Variants in FOXP2 observed in about 807,000 individuals in gnomAD.
FOXP2 encodes forkhead box P2.
In FOXP2, 12 loss-of-function variants were observed where a neutral mutation model predicts 115.8. The ratio of observed to expected loss-of-function variants is 0.10; its 90% CI spans 0.07 to 0.17. The LOEUF is 0.17. Ranked by LOEUF, FOXP2 falls within the 10% of genes least tolerant of loss-of-function variation. The pLI is 1.00. For synonymous variants in FOXP2, 328 were observed against 297.7 expected (o/e 1.10, Z -1.05); for missense variants, 629 against 843.5 (o/e 0.75, Z 3.15).
chr7:114,385,453 T>C (rs1792422588), intron 2 of FOXP2, among the ~76,000 whole-genome samples: 1 of 152,166 alleles, frequency 6.6e-6, no homozygotes, highest in Non-Finnish European at 1.5e-5. Flanking sequence ...GGCTGTGCCA[T>C]GATCTCAGCC....
intron 3 of FOXP2, among the ~76,000 whole-genome samples, chr7:114,627,457 G>T (rs973785499): frequency 6.6e-6 from 1 of 152,040 alleles, no homozygotes. Flanking sequence ...ATACTGGTTA[G>T]TACAAGTAAT....
At chr7:114,656,475 G>A in intron 10 of FOXP2, 1 of 452,554 alleles carries the variant, frequency 2.2e-6, no homozygotes, top group Non-Finnish European at 4.4e-6. Flanking sequence ...GCATATGGAT[G>A]TTTCTGCGTT....
chr7:114,352,853 T>C (rs756456969), intron 2 of FOXP2, among the ~76,000 whole-genome samples: 3 of 152,156 alleles, frequency 2.0e-5, no homozygotes, highest in Admixed American at 1.3e-4. Flanking sequence ...ATAATTCTAA[T>C]AGTTTAAAAT....
Position 114,642,512 on chromosome 7 carries a change from C to A in FOXP2, c.878C>A (p.Thr293Asn). Reference protein sequence around the residue: ...GIKHGGLDLTTNNSSSTTSSN... With the variant: ...GIKHGGLDLTNNNSSSTTSSN... ...AAACATGGAGGGCTAGACCTCACTA[C>A]TAACAATTCCTCCTCGACTACCTCC... Residue 293 changes from threonine to asparagine, a missense_variant, in exon 7 of 17, where the codon ACT becomes AAT. By Grantham distance (65) the Thr-to-Asn change is moderately conservative. Around this residue, in one of 9 missense-constraint regions of FOXP2, gnomAD observed 92 missense variants for 80.1 expected, o/e 1.15. Transcript: ENST00000350908. The A allele has an allele frequency of 6.2e-7, 1 of 1,613,912 alleles. No individual in the cohort carries two copies. Among genetic ancestry groups the A allele is most frequent in the Non-Finnish European group, 8.5e-7 (1 of 1,179,946 alleles).
intron 2 of FOXP2, among the ~76,000 whole-genome samples, chr7:114,431,941 C>CT (rs1794130851): frequency 6.6e-6 from 1 of 151,866 alleles, no homozygotes. Flanking sequence ...GGAAAGAAGT[C>CT]TGACTGTACA....
At chr7:114,570,397 G>C (rs1006513675) in intron 3 of FOXP2, among the ~76,000 whole-genome samples, 2 of 151,824 alleles carry the variant, frequency 1.3e-5, no homozygotes, top group African/African-American at 4.8e-5. Context: ...TTGATTACAA[G>C]TCAGAGGTTT....
At chr7:114,325,092 C>G (rs1017408443) in intron 2 of FOXP2, among the ~76,000 whole-genome samples, 17 of 151,822 alleles carry the variant, frequency 1.1e-4, no homozygotes, top group African/African-American at 4.1e-4. Flanking sequence ...GTATTCAATA[C>G]TATTGTACAG....
At chr7:114,116,466 A>G (rs999349067) in intron 1 of FOXP2, among the ~76,000 whole-genome samples, 3 of 152,180 alleles carry the variant, frequency 2.0e-5, no homozygotes, top group Non-Finnish European at 4.4e-5. Flanking sequence ...AGAAGATTAG[A>G]ATTGTATTAC....
At chr7:114,394,602 A>C (rs1315655847) in intron 2 of FOXP2, among the ~76,000 whole-genome samples, 1 of 152,226 alleles carries the variant, frequency 6.6e-6, no homozygotes, top group Non-Finnish European at 1.5e-5. Flanking sequence ...GAACATTATA[A>C]GAGATACCCT....
intron 2 of FOXP2, among the ~76,000 whole-genome samples, chr7:114,373,172 T>C (rs78940842): frequency 0.053 from 8,087 of 152,016 alleles, 681 homozygotes; most frequent in East Asian, 0.32. Context: ...TTTTTGTTTG[T>C]TTGTTTGTTT....
intron 2 of FOXP2, among the ~76,000 whole-genome samples, chr7:114,513,184 A>G (rs1378412729): frequency 1.3e-5 from 2 of 152,196 alleles, no homozygotes; most frequent in Non-Finnish European, 2.9e-5. Flanking sequence ...ATTTAATGAA[A>G]TATTCTCCAG....
intron 2 of FOXP2, among the ~76,000 whole-genome samples, chr7:114,439,452 A>T (rs939504806): frequency 1.3e-5 from 2 of 152,118 alleles, no homozygotes; most frequent in Admixed American, 6.6e-5. Context: ...ATTACTTCAG[A>T]TTTTTTTGAG....
chr7:114,203,767 G>A (rs1377032436), intron 1 of FOXP2, among the ~76,000 whole-genome samples: 1 of 151,986 alleles, frequency 6.6e-6, no homozygotes, highest in African/African-American at 2.4e-5. Context: ...TTTTTGCCAC[G>A]TTGCAGTTGA....
chr7:114,241,730 A>G (rs1460393944), intron 1 of FOXP2, among the ~76,000 whole-genome samples: 2 of 132,440 alleles, frequency 1.5e-5, no homozygotes, highest in African/African-American at 5.5e-5. Flanking sequence ...CGTAAAAAAA[A>G]GATTTGAAGC....
At chr7:114,534,846 A>G in intron 3 of FOXP2, 140 bp downstream of exon 3, 1 of 711,600 alleles carries the variant, frequency 1.4e-6, no homozygotes, top group South Asian at 1.7e-5. Flanking sequence ...AAGAGAATTC[A>G]TTTTATCTTC....
intron 3 of FOXP2, among the ~76,000 whole-genome samples, 194 bp from the exon 4 acceptor site, chr7:114,628,346 C>T (rs886733023): frequency 5.9e-5 from 9 of 152,006 alleles, no homozygotes; most frequent in Admixed American, 6.6e-5. Context: ...AAATCTGATG[C>T]CTCTGGAAAG....
chr7:114,690,476 C>T lies in FOXP2; in HGVS notation c.*550C>T, dbSNP rs184527640. 4.8e-5 allele frequency: 22 copies of T among 453,876 alleles called. No homozygotes were observed. The highest frequency in any genetic ancestry group is 4.7e-4 in the Admixed American group (20 of 42,528). 28.1% of individuals were successfully genotyped at this position (453,876 alleles called of 1,614,324 possible). A position where few individuals can be genotyped will look rare whatever the true frequency, so the allele number is the denominator to read the frequency against. ...TCTAGCTGAATTTTAAACAACAGAA[C>T]ATTAGTTTTTTATGTTGGTGCCACC... On this transcript the variant is annotated 3_prime_UTR_variant, in exon 17 of 17. Coordinates refer to ENST00000350908, the MANE Select transcript of FOXP2 (RefSeq NM_014491.4).
Position 114,690,175 on chromosome 7 carries a change from GAA to G in FOXP2, c.*259_*260del, listed in dbSNP as rs752684219. On this transcript the variant is annotated 3_prime_UTR_variant, in exon 17 of 17. Coordinates refer to ENST00000350908, the MANE Select transcript of FOXP2 (RefSeq NM_014491.4). ...AAAAAAGACAAAAACTGATTTTCTTGAAAAAAAAAAATGAACTGTTCTTTCTA... is the reference window on the plus strand; with the variant it reads ...AAAAAAGACAAAAACTGATTTTCTTGAAAAAAAAATGAACTGTTCTTTCTA... The G allele has an allele frequency of 1.6e-5, 6 of 368,050 alleles. No homozygotes were observed. Among genetic ancestry groups the G allele is most frequent in the African/African-American group, 8.4e-5 (3 of 35,736 alleles). 22.8% of individuals were successfully genotyped at this position (368,050 alleles called of 1,614,324 possible).
intron 2 of FOXP2, among the ~76,000 whole-genome samples, chr7:114,510,669 C>G (rs112553986): frequency 0.086 from 13,038 of 152,102 alleles, 625 homozygotes; most frequent in Middle Eastern, 0.16. Flanking sequence ...CCATTTCATG[C>G]CAGTTAGAAT....
Sources: gnomAD v4.1 joint callset for allele counts (sites outside exome capture counted in the v4.1 genomes callset) on GRCh38, gnomAD v4.1.1 for gene constraint, gnomAD v4.1.1 regional missense constraint, MANE v1.5 for transcripts, NCBI Gene and HGNC (gene_info 2026-07-23, HGNC 2026-07-21) for gene names.